The following FER1L6 variants were observed in gnomAD, a reference collection of about 807,000 sequenced individuals.
The protein encoded by FER1L6 is fer-1-like protein 6.
In FER1L6, 177 loss-of-function variants were observed where a neutral mutation model predicts 219.2. That is an observed-to-expected ratio of 0.81 (90% CI 0.71 to 0.91). FER1L6 has a LOEUF of 0.91. FER1L6 is among the 40% of genes least tolerant of loss of function. The pLI, the probability that FER1L6 is intolerant of heterozygous loss-of-function variation, is 0.00. For missense variants in FER1L6, 2,153 were observed against 2,259.9 expected (o/e 0.95, Z 0.96); for synonymous variants, 768 against 824.3 (o/e 0.93, Z 1.17).
At chr8:124,076,735 G>C (rs982043853) in intron 32 of FER1L6, among the ~76,000 whole-genome samples, 1 of 152,118 alleles carries the variant, frequency 6.6e-6, no homozygotes, top group Admixed American at 6.5e-5. Context: ...TTATAAACAA[G>C]GCAGCCAAGG....
intron 1 of FER1L6, among the ~76,000 whole-genome samples, chr8:123,864,422 C>T (rs1816795836): frequency 6.6e-6 from 1 of 150,470 alleles, no homozygotes; most frequent in Non-Finnish European, 1.5e-5. Flanking sequence ...TTTTTTCCTT[C>T]ATTTCAACTT....
intron 40 of FER1L6, among the ~76,000 whole-genome samples, chr8:124,119,355 G>C (rs566215674): frequency 1.3e-5 from 2 of 152,206 alleles, no homozygotes; most frequent in African/African-American, 2.4e-5. Flanking sequence ...GATGGAGGGT[G>C]GTGGGGCCTT....
At chr8:124,046,187 T>A (rs1819725636) in intron 21 of FER1L6, 1 of 279,868 alleles carries the variant, frequency 3.6e-6, no homozygotes, top group Non-Finnish European at 6.7e-6. Context: ...AGGAATGTGA[T>A]ACTTGTATAA....
intron 25 of FER1L6, among the ~76,000 whole-genome samples, chr8:124,063,150 TTTAA>T (rs1387853266): frequency 2.6e-5 from 4 of 152,216 alleles, no homozygotes; most frequent in Non-Finnish European, 4.4e-5. Flanking sequence ...TTTTATGTGC[TTTAA>T]TTTTCTTTTT....
At chr8:123,965,203 G>A (rs970718017) in intron 3 of FER1L6, among the ~76,000 whole-genome samples, 1 of 152,192 alleles carries the variant, frequency 6.6e-6, no homozygotes, top group Non-Finnish European at 1.5e-5. Flanking sequence ...ACTCAGATCA[G>A]TCTGACTCCA....
intron 1 of FER1L6, among the ~76,000 whole-genome samples, chr8:123,886,470 T>C (rs1437448322): frequency 1.3e-5 from 2 of 152,188 alleles, no homozygotes; most frequent in Non-Finnish European, 2.9e-5. Context: ...TTTGACCTAC[T>C]GACATGTCTT....
rs539478017 is a variant in FER1L6, at chr8:123,853,142, C to T, written c.-8+957C>T. ...TACGTGCGTGAGCCACTGTGCCCAC[C>T]CTCAGACTTTAAAATAGACGAAATC... On this transcript the variant is annotated intron_variant, in intron 1 of 40. Coordinates refer to ENST00000522917, the MANE Select transcript of FER1L6 (RefSeq NM_001039112.2). This position sits in a 1 kb window ranked among gnomAD's most constrained non-coding sequence, Gnocchi z 6.6. Among the ~76,000 whole-genome samples, 5 of 152,206 alleles carry T rather than the reference C, an allele frequency of 3.3e-5. No individual in the cohort carries two copies. The highest frequency in any genetic ancestry group is 3.9e-4 in the East Asian group (2 of 5,180).
intron 28 of FER1L6, among the ~76,000 whole-genome samples, chr8:124,069,139 T>A (rs1820955808): frequency 6.6e-6 from 1 of 152,146 alleles, no homozygotes; most frequent in African/African-American, 2.4e-5. Context: ...GGTTTCACCG[T>A]GTTAGCCAGG....
chr8:123,887,153 G>A lies in FER1L6; in HGVS notation c.-8+34968G>A, dbSNP rs549556470. The stretch of plus-strand genomic sequence containing the variant: ...CATAGTTACGTTTCTTCCCTGCTAC[G>A]TAAACTCCTAATTTTAGTTGGTTAG... On this transcript the variant is annotated intron_variant, in intron 1 of 40. Transcript: ENST00000522917. Among the ~76,000 whole-genome samples the A allele has an allele frequency of 2.8e-3, 429 of 152,226 alleles. 3 individuals are homozygous for A. Among genetic ancestry groups the A allele is most frequent in the African/African-American group, 9.0e-3 (375 of 41,532 alleles).
intron 27 of FER1L6, 76 bp from the exon 28 acceptor site, chr8:124,067,691 G>T: frequency 1.6e-6 from 2 of 1,272,430 alleles, no homozygotes; most frequent in Non-Finnish European, 2.3e-6. Flanking sequence ...GGAATGCAGA[G>T]GGCTGAGATA....
chr8:124,096,871 A>G (rs1349502680), intron 35 of FER1L6, among the ~76,000 whole-genome samples: 1 of 152,174 alleles, frequency 6.6e-6, no homozygotes, highest in Non-Finnish European at 1.5e-5. Context: ...ACTCTGCTAC[A>G]TATTGTCTAT....
chr8:124,050,038 G>A (rs1819937739), intron 22 of FER1L6, among the ~76,000 whole-genome samples: 1 of 152,184 alleles, frequency 6.6e-6, no homozygotes, highest in African/African-American at 2.4e-5. Context: ...GAGCTTGCAG[G>A]CCTCCATGCA....
chr8:124,104,968 A>G (rs777586536), intron 39 of FER1L6, among the ~76,000 whole-genome samples: 1 of 152,220 alleles, frequency 6.6e-6, no homozygotes, highest in Non-Finnish European at 1.5e-5. Flanking sequence ...AGTCAAGTTC[A>G]GACATGCAGA....
chr8:123,894,959 A>G lies in FER1L6; in HGVS notation c.-8+42774A>G, dbSNP rs140431696. ...CTGTGTATTTACACAGCCTAAAAGT[A>G]GCTGCCTGTGAAATATTCGTTACAA... On this transcript the variant is annotated intron_variant, in intron 1 of 40. Coordinates refer to ENST00000522917, the MANE Select transcript of FER1L6 (RefSeq NM_001039112.2). 1.4e-3 allele frequency among the ~76,000 whole-genome samples: 219 copies of G among 152,346 alleles called. 1 individual carries two copies. The highest frequency in any genetic ancestry group is 5.2e-3 in the African/African-American group (218 of 41,588).
chr8:124,043,364 A>G (rs867464139), intron 20 of FER1L6, among the ~76,000 whole-genome samples: 2 of 152,326 alleles, frequency 1.3e-5, no homozygotes, highest in Middle Eastern at 3.4e-3. Flanking sequence ...CTCCAGAGTT[A>G]TTTGATTCTA....
At chr8:124,099,428 GCTCA>G (rs886881174) in intron 37 of FER1L6, among the ~76,000 whole-genome samples, 1 of 152,102 alleles carries the variant, frequency 6.6e-6, no homozygotes, top group Non-Finnish European at 1.5e-5. Flanking sequence ...CAGACCCTTT[GCTCA>G]CTGACTTCCC....
intron 19 of FER1L6, among the ~76,000 whole-genome samples, chr8:124,035,659 G>A (rs145335982): frequency 1.6e-4 from 24 of 152,292 alleles, no homozygotes; most frequent in African/African-American, 5.8e-4. Flanking sequence ...AAACACATCT[G>A]GAATAAACAC....
intron 22 of FER1L6, among the ~76,000 whole-genome samples, chr8:124,057,446 G>T (rs1586649186): frequency 1.3e-5 from 2 of 152,208 alleles, no homozygotes; most frequent in African/African-American, 4.8e-5. Context: ...ATAAAGCACA[G>T]TTTTGTTTTC....
At chr8:124,017,926 C>T (rs1307181420) in intron 16 of FER1L6, among the ~76,000 whole-genome samples, 1 of 152,164 alleles carries the variant, frequency 6.6e-6, no homozygotes, top group South Asian at 2.1e-4. Context: ...GCCCACTGGT[C>T]CTACTTCCTA....
Sources: allele counts gnomAD v4.1 joint callset (sites outside exome capture counted in the v4.1 genomes callset), GRCh38; gene constraint gnomAD v4.1.1; non-coding constraint Gnocchi (gnomAD v3.1); transcripts MANE v1.5; gene names NCBI Gene and HGNC (gene_info 2026-07-23, HGNC 2026-07-21).